TRIM66: variants seen among roughly 807,000 people sequenced by gnomAD.
The protein encoded by TRIM66 is tripartite motif containing 66, also known as tripartite motif-containing protein 66.
Under a neutral mutation model 148.2 loss-of-function variants are expected in TRIM66, and 99 were observed. The ratio of observed to expected loss-of-function variants is 0.67; its 90% CI spans 0.57 to 0.79. TRIM66 has a LOEUF of 0.79. TRIM66 is among the 30% of genes least tolerant of loss of function. The pLI is 0.00. For missense variants in TRIM66, 1,666 were observed against 1,697.9 expected (o/e 0.98, Z 0.33); for synonymous variants, 616 against 635.9 (o/e 0.97, Z 0.47).
intron 3 of TRIM66, among the ~76,000 whole-genome samples, chr11:8,677,767 C>CTT (rs1321009242): frequency 4.6e-5 from 7 of 152,168 alleles, no homozygotes; most frequent in African/African-American, 1.7e-4. Context: ...TAGAATTTCT[C>CTT]TTTTCACGTT....
upstream of TRIM66, chr11:8,683,159 C>A: frequency 5.0e-6 from 8 of 1,590,232 alleles, no homozygotes; most frequent in Admixed American, 1.2e-4. Context: ...TCGCCCCCTG[C>A]CCCTAATTCC....
intron 13 of TRIM66, among the ~76,000 whole-genome samples, chr11:8,641,725 G>T (rs959981161): frequency 2.0e-5 from 3 of 152,162 alleles, no homozygotes; most frequent in African/African-American, 7.2e-5. Context: ...GTGGGGCCTG[G>T]TGGGAGGTGA....
intron 6 of TRIM66, among the ~76,000 whole-genome samples, chr11:8,660,892 G>C (rs2133380117): frequency 6.6e-6 from 1 of 152,292 alleles, no homozygotes; most frequent in South Asian, 2.1e-4. Flanking sequence ...AGGTCTCTTT[G>C]GAAAGTCTTG....
At chr11:8,674,508 C>T (rs2039086514) in intron 4 of TRIM66, among the ~76,000 whole-genome samples, 1 of 152,158 alleles carries the variant, frequency 6.6e-6, no homozygotes, top group Non-Finnish European at 1.5e-5. Flanking sequence ...GCCTCCTAGG[C>T]AGCTAGCACT....
chr11:8,672,485 C>A, intron 4 of TRIM66, 100 bp from the exon 5 acceptor site: 1 of 1,289,894 alleles, frequency 7.8e-7, no homozygotes, highest in Non-Finnish European at 1.0e-6. Flanking sequence ...GACACTTTTA[C>A]AAATTAAATA....
At chr11:8,657,322 G>C (rs1168982272) in intron 6 of TRIM66, among the ~76,000 whole-genome samples, 1 of 152,128 alleles carries the variant, frequency 6.6e-6, no homozygotes, top group African/African-American at 2.4e-5. Flanking sequence ...GCTGGGGTCC[G>C]AGCTCTGATC....
chr11:8,675,039 C>A (rs1007757039), intron 3 of TRIM66, among the ~76,000 whole-genome samples, 156 bp from the exon 4 acceptor site: 1 of 152,222 alleles, frequency 6.6e-6, no homozygotes, highest in Non-Finnish European at 1.5e-5. Context: ...TTAAAATCTG[C>A]TGATCTTGCT....
At chr11:8,639,608 T>G (rs1352720160) in intron 14 of TRIM66, among the ~76,000 whole-genome samples, 36 of 152,214 alleles carry the variant, frequency 2.4e-4, no homozygotes, top group Admixed American at 2.3e-3. Context: ...GGAGACAAAC[T>G]GCTAGCCTTC....
At chr11:8,682,671 G>T, upstream of TRIM66, 1 of 906,306 alleles carries the variant, frequency 1.1e-6, no homozygotes, top group Non-Finnish European at 1.8e-6. Context: ...GAAGCGACTA[G>T]CAGGCGCGCA....
intron 4 of TRIM66, 101 bp from the exon 5 acceptor site, chr11:8,672,486 A>C: frequency 7.8e-7 from 1 of 1,276,864 alleles, no homozygotes; most frequent in Non-Finnish European, 1.0e-6. Flanking sequence ...ACACTTTTAC[A>C]AATTAAATAA....
rs557136220 is a variant in TRIM66, at chr11:8,619,290, G to A, written c.3900+93C>T. 1.0e-5 allele frequency: 14 copies of A among 1,394,408 alleles called. No individual in the cohort carries two copies. In the African/African-American group the frequency reaches 1.2e-4, roughly 12 times the overall value. 86.4% of individuals were successfully genotyped at this position (1,394,408 alleles called of 1,614,324 possible). A position where few individuals can be genotyped will look rare whatever the true frequency, so the allele number is the denominator to read the frequency against. On this transcript the variant is annotated intron_variant, in intron 23 of 24. Transcript: ENST00000646038. ...AATCTGCTCCCCAGTCCTCATGGCA[G>A]CCCAGACCAAACCTAACCTCCCAAC...
upstream of TRIM66, chr11:8,682,978 C>A (rs1398974247): frequency 9.7e-7 from 1 of 1,031,892 alleles, no homozygotes; most frequent in East Asian, 2.5e-5. Flanking sequence ...GGCGGGGCTC[C>A]CGGAGCCGTG....
In TRIM66 at chr11:8,621,779, C is replaced by T; in HGVS notation, c.3121G>A (p.Glu1041Lys). The change falls in exon 19 of 25, where the codon GAG (glutamate) becomes AAG (lysine). Residue 1041 changes from glutamate to lysine, a missense_variant. Glu to Lys is a moderately conservative substitution (Grantham distance 56). This residue lies in a region of TRIM66 where 1,431 missense variants were observed against 1,412.4 expected (regional missense o/e 1.01). Coordinates refer to ENST00000646038, the MANE Select transcript of TRIM66 (RefSeq NM_001388022.1). ...GAGGCAGCACAGATCTTGAGTCGCT[C>T]CAGTCGCACATAGGGAATCTTATGC... The part of the protein sequence containing the change: ...SEHKIPYVRL[E>K]RLKICAASSG... The T allele has an allele frequency of 6.4e-7, 1 of 1,550,852 alleles. No homozygotes were observed. The highest frequency in any genetic ancestry group is 8.7e-7 in the Non-Finnish European group (1 of 1,146,762).
rs753490105 is a variant in TRIM66 at position 8,643,043 on chromosome 11, C to T, written c.1188G>A (p.Glu396=). The change falls in exon 13 of 25, where the codon GAG becomes GAA. Residue 396 remains glutamate (E), a synonymous_variant. Coordinates refer to ENST00000646038, the MANE Select transcript of TRIM66 (RefSeq NM_001388022.1). ...GSPWSIRFTW[E]PNFWTKQLAS... Reference sequence around the variant, plus strand: ...CTAGCTGCTTGGTCCAGAAGTTAGGCTCCCAGGTGAATCTGATACTCCAAG... The same window carrying T: ...CTAGCTGCTTGGTCCAGAAGTTAGGTTCCCAGGTGAATCTGATACTCCAAG... 3.2e-6 allele frequency: 5 copies of T among 1,551,290 alleles called. No individual in the cohort carries two copies. Among genetic ancestry groups the T allele is most frequent in the Non-Finnish European group, 4.4e-6 (5 of 1,146,868 alleles).
chr11:8,621,255 T>C lies in TRIM66; in HGVS notation c.3322A>G (p.Thr1108Ala), dbSNP rs2141832099. Reference protein sequence around the residue: ...PGLEGRKVTVTSLAGQRPPEV... With the variant: ...PGLEGRKVTVASLAGQRPPEV... ...GGTGGCCGCTGCCCAGCCAAAGAAG[T>C]GACAGTGACCTTTCTTCCCTCCAGA... The change falls in exon 20 of 25, where the codon ACT becomes GCT. Residue 1108 changes from threonine (T) to alanine (A), a missense_variant. Around this residue, in one of 3 missense-constraint regions of TRIM66, gnomAD observed 1,431 missense variants for 1,412.4 expected, o/e 1.01. Transcript: ENST00000646038. 1 of 1,551,648 alleles carries C rather than the reference T, an allele frequency of 6.4e-7. No individual in the cohort carries two copies. Among genetic ancestry groups the C allele is most frequent in the Admixed American group, 2.0e-5 (1 of 50,998 alleles).
At chr11:8,638,836 T>C (rs1233700314) in intron 14 of TRIM66, 21 bp from the exon 15 acceptor site, 24 of 1,547,910 alleles carry the variant, frequency 1.6e-5, no homozygotes, top group Admixed American at 1.2e-4. Context: ...AAATAAGAAC[T>C]TGGGTGGGTT....
At position 8,624,731 on chromosome 11, in the gene TRIM66, C is replaced by T. The variant is rs374998083; in HGVS notation, c.2808G>A (p.Leu936=). ...LCPRDGADPS[L]ENALCKMESE... is the part of the protein sequence containing the mutation. ...GACTTACCTTACACAGAGCATTCTC[C>T]AGGGAGGGATCAGCCCCATCTCTGG... The change falls in exon 16 of 25, where the codon CTG becomes CTA. Residue 936 remains leucine (L), a synonymous_variant. Coordinates refer to ENST00000646038, the MANE Select transcript of TRIM66 (RefSeq NM_001388022.1). The T allele has an allele frequency of 4.6e-6, 7 of 1,532,610 alleles. No homozygotes were observed. Among genetic ancestry groups the T allele is most frequent in the African/African-American group, 1.4e-5 (1 of 72,748 alleles). 94.9% of individuals were successfully genotyped at this position (1,532,610 alleles called of 1,614,324 possible). A position where few individuals can be genotyped will look rare whatever the true frequency, so the allele number is the denominator to read the frequency against.
intron 3 of TRIM66, among the ~76,000 whole-genome samples, chr11:8,676,616 A>C (rs1565581650): frequency 6.6e-6 from 1 of 152,230 alleles, no homozygotes; most frequent in Non-Finnish European, 1.5e-5. Flanking sequence ...CAATTGAAGT[A>C]ACTCCATGAA....
intron 15 of TRIM66, among the ~76,000 whole-genome samples, chr11:8,633,561 G>A (rs2035611524): frequency 6.6e-6 from 1 of 152,146 alleles, no homozygotes; most frequent in African/African-American, 2.4e-5. Flanking sequence ...AGTAGAAAGA[G>A]TGTATAATTC....
Sources: gnomAD v4.1 joint callset for allele counts (sites outside exome capture counted in the v4.1 genomes callset) on GRCh38, gnomAD v4.1.1 for gene constraint, gnomAD v4.1.1 regional missense constraint, MANE v1.5 for transcripts, NCBI Gene and HGNC (gene_info 2026-07-23, HGNC 2026-07-21) for gene names.